Variants in CSMD1 observed in about 807,000 individuals in gnomAD.
CSMD1 encodes the protein CUB and Sushi multiple domains 1, also known as CUB and sushi domain-containing protein 1.
A neutral mutation model predicts 417.5 loss-of-function variants in CSMD1; 213 were observed. The ratio of observed to expected loss-of-function variants is 0.51; its 90% confidence interval spans 0.46 to 0.57. The LOEUF is 0.57. Ranked by LOEUF, CSMD1 falls within the 20% of genes least tolerant of loss-of-function variation. CSMD1 has a pLI of 0.00. For missense variants in CSMD1, 6,923 were observed against 4,529.7 expected (o/e 1.53, Z -15.17); for synonymous variants, 2,862 against 1,736.8 (o/e 1.65, Z -16.11).
intron 12 of CSMD1, among the ~76,000 whole-genome samples, chr8:3,454,672 G>T (rs191320263): frequency 2.0e-5 from 3 of 152,122 alleles, no homozygotes; most frequent in Non-Finnish European, 4.4e-5. Flanking sequence ...GAGTTTCTGC[G>T]GAGAGATCAG....
intron 52 of CSMD1, among the ~76,000 whole-genome samples, chr8:3,012,614 C>T (rs1808481318): frequency 6.6e-6 from 1 of 152,110 alleles, no homozygotes; most frequent in Non-Finnish European, 1.5e-5. Context: ...GGATGGAAAA[C>T]ATATTGGACC....
At chr8:4,960,850 A>T (rs971248049) in intron 1 of CSMD1, among the ~76,000 whole-genome samples, 1 of 152,158 alleles carries the variant, frequency 6.6e-6, no homozygotes, top group African/African-American at 2.4e-5. Flanking sequence ...ATCATAAGTT[A>T]TATAATAATA....
At chr8:3,528,054 A>G (rs1797826960) in intron 10 of CSMD1, among the ~76,000 whole-genome samples, 1 of 152,154 alleles carries the variant, frequency 6.6e-6, no homozygotes, top group Non-Finnish European at 1.5e-5. Context: ...CCTGGGTGGC[A>G]AAATCCAAAC....
chr8:4,892,933 G>T (rs1467462789), intron 1 of CSMD1, among the ~76,000 whole-genome samples: 2 of 151,982 alleles, frequency 1.3e-5, no homozygotes, highest in Admixed American at 6.6e-5. Flanking sequence ...TATTTTATAT[G>T]CCACATGGTG....
chr8:4,876,422 T>C (rs1022373673), intron 1 of CSMD1, among the ~76,000 whole-genome samples: 4 of 152,272 alleles, frequency 2.6e-5, no homozygotes, highest in South Asian at 2.1e-4. Flanking sequence ...TGGCCTGTTT[T>C]TGTAAAGATC....
At chr8:4,101,715 T>C (rs1801313655) in intron 3 of CSMD1, among the ~76,000 whole-genome samples, 1 of 152,184 alleles carries the variant, frequency 6.6e-6, no homozygotes, top group South Asian at 2.1e-4. Context: ...CAAACCACAT[T>C]CCAGAGGAGA....
At chr8:4,515,595 G>C (rs1322832864) in intron 2 of CSMD1, among the ~76,000 whole-genome samples, 1 of 152,194 alleles carries the variant, frequency 6.6e-6, no homozygotes, top group Admixed American at 6.5e-5. Flanking sequence ...TGCCTTACAT[G>C]AGACATCTAA....
chr8:3,273,171 C>G (rs181060963), intron 26 of CSMD1, among the ~76,000 whole-genome samples: 9,219 of 150,888 alleles, frequency 0.061, 408 homozygotes, highest in Non-Finnish European at 0.086. Context: ...AAGGCCTTTT[C>G]TGCGTCTATT....
intron 1 of CSMD1, among the ~76,000 whole-genome samples, chr8:4,753,073 C>G (rs1811435459): frequency 6.6e-6 from 1 of 152,184 alleles, no homozygotes; most frequent in African/African-American, 2.4e-5. Flanking sequence ...TTAACCCTCA[C>G]ACCATCCTTA....
intron 1 of CSMD1, among the ~76,000 whole-genome samples, chr8:4,844,377 C>T (rs1484732142): frequency 1.3e-5 from 2 of 152,126 alleles, no homozygotes; most frequent in Admixed American, 6.5e-5. Flanking sequence ...CATGCCCTTC[C>T]CATAGGAAAT....
intron 2 of CSMD1, among the ~76,000 whole-genome samples, chr8:4,445,631 G>GT (rs1238223285): frequency 3.9e-5 from 6 of 152,196 alleles, no homozygotes; most frequent in Non-Finnish European, 1.5e-5. Context: ...GGCCAGGCAT[G>GT]TGTTCCTAGG....
At chr8:3,085,300 T>C (rs11775482) in intron 49 of CSMD1, among the ~76,000 whole-genome samples, 2,156 of 152,328 alleles carry the variant, frequency 0.014, 26 homozygotes, top group Non-Finnish European at 0.019. Context: ...AAAACCATAT[T>C]GACTCCCAGG....
chr8:4,420,814 A>G (rs76754775), intron 2 of CSMD1, among the ~76,000 whole-genome samples: 1 of 152,146 alleles, frequency 6.6e-6, no homozygotes, highest in Non-Finnish European at 1.5e-5. Context: ...GAATACCCAC[A>G]TTCTGGTAAG....
intron 5 of CSMD1, among the ~76,000 whole-genome samples, chr8:3,996,951 T>C (rs1178769830): frequency 6.6e-6 from 1 of 152,184 alleles, no homozygotes; most frequent in Admixed American, 6.5e-5. Context: ...GTAGCCTTCA[T>C]ACTAAAATGC....
intron 8 of CSMD1, among the ~76,000 whole-genome samples, chr8:3,596,492 G>C (rs1299967483): frequency 6.6e-6 from 1 of 152,150 alleles, no homozygotes; most frequent in Non-Finnish European, 1.5e-5. Context: ...TGGGATGCTG[G>C]ATTCAAATGG....
chr8:4,108,929 A>T (rs1476251279), intron 3 of CSMD1, among the ~76,000 whole-genome samples: 3 of 152,170 alleles, frequency 2.0e-5, no homozygotes, highest in Non-Finnish European at 4.4e-5. Flanking sequence ...AAAAAATTCC[A>T]TCGCCTTAGA....
chr8:4,729,380 G>C (rs1809699205), intron 1 of CSMD1, among the ~76,000 whole-genome samples: 1 of 152,116 alleles, frequency 6.6e-6, no homozygotes, highest in Non-Finnish European at 1.5e-5. Flanking sequence ...AGAGAGAATT[G>C]GAAGAAATGA....
rs185626516 is a variant in CSMD1 at position 3,944,918 on chromosome 8, C to A, written c.818+52985G>T. On this transcript the variant is annotated intron_variant, in intron 5 of 69. Transcript: ENST00000635120. ...CATCCCCACAATCAGTGTTTCTGAA[C>A]GCTGTCTCTCACTTTGTTATTCTTC... Among the ~76,000 whole-genome samples, 28 of 152,258 alleles carry A rather than the reference C, an allele frequency of 1.8e-4. No homozygotes were observed. In the South Asian group the frequency reaches 2.7e-3, roughly 15 times the overall value.
Position 4,494,881 on chromosome 8 carries a change from G to C in CSMD1, c.303-74816C>G, listed in dbSNP as rs144260235. On this transcript the variant is annotated intron_variant, in intron 2 of 69. Transcript: ENST00000635120. Reference sequence around the variant, plus strand: ...TTCTACCTGAAACATGGAAACAAAAGCTTAAAATTCTCATTGTTAGGACAA... The same window carrying C: ...TTCTACCTGAAACATGGAAACAAAACCTTAAAATTCTCATTGTTAGGACAA... 1.4e-4 allele frequency among the ~76,000 whole-genome samples: 22 copies of C among 152,096 alleles called. No homozygotes were observed. In the East Asian group the frequency reaches 4.3e-3, roughly 29 times the overall value.
Sources: allele counts gnomAD v4.1 joint callset (sites outside exome capture counted in the v4.1 genomes callset), GRCh38; gene constraint gnomAD v4.1.1; transcripts MANE v1.5; gene names NCBI Gene and HGNC (gene_info 2026-07-23, HGNC 2026-07-21).